The following MED13L variants were observed in gnomAD, a reference collection of about 807,000 sequenced individuals.
MED13L encodes the protein mediator complex subunit 13L, also known as mediator of RNA polymerase II transcription subunit 13-like.
Under a neutral mutation model 220.9 loss-of-function variants are expected in MED13L, and 7 were observed. That is an observed-to-expected ratio of 0.03 (90% CI 0.02 to 0.06). The LOEUF (loss-of-function observed/expected upper bound fraction) is 0.06, where lower values mean the gene tolerates loss of function less well. MED13L is among the 10% of genes least tolerant of loss of function. MED13L has a pLI of 1.00. For missense variants in MED13L, 1,965 were observed against 2,760.5 expected (o/e 0.71, Z 6.46); for synonymous variants, 1,011 against 1,015.2 (o/e 1.00, Z 0.08).
intron 1 of MED13L, among the ~76,000 whole-genome samples, chr12:116,257,967 T>C (rs997299683): frequency 2.0e-5 from 3 of 152,190 alleles, no homozygotes; most frequent in Non-Finnish European, 4.4e-5. Context: ...TGATGAAACT[T>C]TAAAAAAACG....
rs1458929426 is a variant in MED13L at position 115,996,779 on chromosome 12, CG to C, written c.2791-99del. On this transcript the variant is annotated intron_variant, in intron 15 of 30. Transcript: ENST00000281928. Reference sequence around the variant, plus strand: ...TCATAAAAACAGCAACCAAAATGATCGTATTTCAGTATTTCTCTCCTATGAT... The same window carrying C: ...TCATAAAAACAGCAACCAAAATGATCTATTTCAGTATTTCTCTCCTATGAT... 14 of 1,164,056 alleles carry C rather than the reference CG, an allele frequency of 1.2e-5. No homozygotes were observed. The Admixed American group carries it at 1.7e-4, about 14-fold the overall frequency. 72.1% of individuals were successfully genotyped at this position (1,164,056 alleles called of 1,614,324 possible). A position where few individuals can be genotyped will look rare whatever the true frequency, so the allele number is the denominator to read the frequency against.
In MED13L at chr12:116,007,388, A is replaced by ACT. The variant is rs758975492; in HGVS notation, c.2238+21_2238+22dup. 8 of 1,246,240 alleles carry ACT rather than the reference A, an allele frequency of 6.4e-6. No individual in the cohort carries two copies. In the Admixed American group the frequency reaches 6.7e-5, roughly 10 times the overall value. The allele number at this position is 1,246,240 out of a possible 1,614,324, so 77.2% of individuals were successfully genotyped here. The stretch of plus-strand genomic sequence containing the variant: ...TAGATAGAAACCCACACCATGCTGG[A>ACT]CTCTCTCTCTGTTAAATGGTACCTT... On this transcript the variant is annotated intron_variant, in intron 11 of 30. Transcript: ENST00000281928.
rs1374096438 is a variant in MED13L, at chr12:116,260,166, C to G, written c.72+16894G>C. 7.2e-5 allele frequency among the ~76,000 whole-genome samples: 11 copies of G among 152,254 alleles called. No homozygotes were observed. In the East Asian group the frequency reaches 1.9e-3, roughly 27 times the overall value. ...GAGAGAAAGTAAAGAAAAATGACAA[C>G]TGCGGGAAAGCCAACTCTTTACCTT... On this transcript the variant is annotated intron_variant, in intron 1 of 30. Transcript: ENST00000281928.
intron 2 of MED13L, among the ~76,000 whole-genome samples, chr12:116,233,420 C>T (rs965289747): frequency 6.6e-6 from 1 of 152,104 alleles, no homozygotes; most frequent in African/African-American, 2.4e-5. Context: ...TATCGCTTTC[C>T]TGATCAGAAA....
chr12:116,237,332 T>C, intron 2 of MED13L, 136 bp downstream of exon 2: 1 of 748,236 alleles, frequency 1.3e-6, no homozygotes, highest in East Asian at 2.7e-5. Context: ...GGGGTGAGAA[T>C]GTTCCTTTTG....
At chr12:115,972,258 A>G (rs1374100473) in intron 25 of MED13L, 22 bp from the exon 26 acceptor site, 2 of 1,610,944 alleles carry the variant, frequency 1.2e-6, no homozygotes, top group Admixed American at 3.3e-5. Flanking sequence ...TATCGCAGTC[A>G]TACACAGTCT....
At chr12:116,198,496 T>C (rs1468886458) in intron 2 of MED13L, among the ~76,000 whole-genome samples, 1 of 152,214 alleles carries the variant, frequency 6.6e-6, no homozygotes, top group South Asian at 2.1e-4. Flanking sequence ...CTGAATAAAT[T>C]GCTGTCTCTT....
At position 116,155,419 on chromosome 12, in the gene MED13L, T is replaced by C. The variant is rs1393467447; in HGVS notation, c.311-43907A>G. 2.0e-5 allele frequency among the ~76,000 whole-genome samples: 3 copies of C among 152,110 alleles called. No homozygotes were observed. In the East Asian group the frequency reaches 5.8e-4, roughly 29 times the overall value. On this transcript the variant is annotated intron_variant, in intron 2 of 30. Transcript: ENST00000281928. The stretch of plus-strand genomic sequence containing the variant: ...ACCTGAGTGACAGAGCAAGACTCTG[T>C]CTCAAAAAACGACGTTCTCTTTAAT...
chr12:116,069,270 T>C (rs1870191527), intron 4 of MED13L, among the ~76,000 whole-genome samples: 1 of 152,234 alleles, frequency 6.6e-6, no homozygotes, highest in South Asian at 2.1e-4. Flanking sequence ...TAGTAGATGC[T>C]ATCTAGCCAA....
At chr12:116,166,978 A>AT (rs1202675354) in intron 2 of MED13L, among the ~76,000 whole-genome samples, 4 of 152,178 alleles carry the variant, frequency 2.6e-5, no homozygotes, top group Admixed American at 1.3e-4. Flanking sequence ...TAGGGATCAA[A>AT]TTTTTCATCC....
chr12:116,188,554 T>G (rs762320220), intron 2 of MED13L, among the ~76,000 whole-genome samples: 1 of 152,154 alleles, frequency 6.6e-6, no homozygotes, highest in South Asian at 2.1e-4. Flanking sequence ...CACATGCAAC[T>G]GTCAGAAATA....
intron 3 of MED13L, among the ~76,000 whole-genome samples, 160 bp downstream of exon 3, chr12:116,111,268 C>A (rs777954220): frequency 2.0e-5 from 3 of 151,994 alleles, no homozygotes; most frequent in Non-Finnish European, 4.4e-5. Context: ...CCCTAAATTT[C>A]AAATTATATC....
intron 13 of MED13L, 44 bp from the exon 14 acceptor site, chr12:116,003,146 A>C (rs1878848869): frequency 2.0e-6 from 3 of 1,531,728 alleles, no homozygotes; most frequent in Admixed American, 1.7e-5. Context: ...CGTGTATATA[A>C]GTAGGGCAGC....
intron 2 of MED13L, among the ~76,000 whole-genome samples, chr12:116,151,607 G>T (rs1341892748): frequency 6.6e-6 from 1 of 152,162 alleles, no homozygotes; most frequent in Non-Finnish European, 1.5e-5. Flanking sequence ...CATTACAATG[G>T]ACCTAAAGGC....
At chr12:116,135,972 C>T (rs529862227) in intron 2 of MED13L, among the ~76,000 whole-genome samples, 15 of 150,960 alleles carry the variant, frequency 9.9e-5, no homozygotes, top group Non-Finnish European at 1.3e-4. Flanking sequence ...GGCACGATCT[C>T]GGCTCACTGC....
chr12:116,098,644 T>C (rs1305331950), intron 3 of MED13L, among the ~76,000 whole-genome samples: 2 of 152,278 alleles, frequency 1.3e-5, no homozygotes, highest in Non-Finnish European at 1.5e-5. Flanking sequence ...GGAGAACCAA[T>C]GTACCAAAAA....
Position 116,012,781 on chromosome 12 carries a change from CT to C in MED13L, c.1280+15del, listed in dbSNP as rs1339733679. 1 of 1,586,722 alleles carries C rather than the reference CT, an allele frequency of 6.3e-7. No homozygotes were observed. The highest frequency in any genetic ancestry group is 1.7e-5 in the Admixed American group (1 of 59,962). The stretch of plus-strand genomic sequence containing the variant: ...ATCATTCGATCCATTACTATTTTGC[CT>C]TTTTTATTACCTACCTGGAACAAGA... On this transcript the variant is annotated intron_variant, in intron 9 of 30. Transcript: ENST00000281928.
intron 27 of MED13L, among the ~76,000 whole-genome samples, chr12:115,970,115 T>C (rs1876479342): frequency 6.6e-6 from 1 of 152,242 alleles, no homozygotes; most frequent in Admixed American, 6.5e-5. Context: ...GAGTGTTTTA[T>C]AGTTTATAAA....
chr12:116,250,122 G>GA (rs1329748948), intron 1 of MED13L, among the ~76,000 whole-genome samples: 1 of 148,536 alleles, frequency 6.7e-6, no homozygotes. Context: ...GTCGGCAGAG[G>GA]AAAAAAAGAT....
Sources: gnomAD v4.1 joint callset for allele counts (sites outside exome capture counted in the v4.1 genomes callset) on GRCh38, gnomAD v4.1.1 for gene constraint, MANE v1.5 for transcripts, NCBI Gene and HGNC (gene_info 2026-07-23, HGNC 2026-07-21) for gene names.